SOX5: variants seen among roughly 807,000 people sequenced by gnomAD.
The protein encoded by SOX5 is transcription factor SOX-5.
Under a neutral mutation model 92.0 loss-of-function variants are expected in SOX5, and 9 were observed. That is an observed-to-expected ratio of 0.10 (90% CI 0.06 to 0.17). The LOEUF is 0.17. Ranked by LOEUF, SOX5 falls within the 10% of genes least tolerant of loss-of-function variation. The probability of loss-of-function intolerance (pLI) is 1.00; values close to 1 mark genes in which losing one functional copy is unlikely to be tolerated. For missense variants in SOX5, 642 were observed against 944.5 expected, an observed-to-expected ratio of 0.68 and a Z score of 4.20; for synonymous variants, 344 against 336.3, an observed-to-expected ratio of 1.02 and a Z score of -0.25.
intron 4 of SOX5, among the ~76,000 whole-genome samples, chr12:24,195,584 C>T (rs1043372931): frequency 1.3e-5 from 2 of 152,124 alleles, no homozygotes; most frequent in African/African-American, 4.8e-5. Context: ...ATCTGCCTAA[C>T]TAGAATTTTA....
intron 3 of SOX5, among the ~76,000 whole-genome samples, chr12:24,273,583 G>C (rs980607128): frequency 2.0e-5 from 3 of 152,010 alleles, no homozygotes; most frequent in African/African-American, 4.8e-5. Context: ...TTGCATTTTA[G>C]CTCAGTCTCA....
At chr12:23,614,571 G>T (rs2076332064) in intron 8 of SOX5, among the ~76,000 whole-genome samples, 1 of 152,206 alleles carries the variant, frequency 6.6e-6, no homozygotes, top group Non-Finnish European at 1.5e-5. Flanking sequence ...CTAGCTGATG[G>T]ATAGTTGGAT....
chr12:23,669,050 T>TTTAC (rs1236620266), intron 6 of SOX5, among the ~76,000 whole-genome samples: 1 of 151,702 alleles, frequency 6.6e-6, no homozygotes, highest in East Asian at 1.9e-4. Context: ...CATGTCCCTA[T>TTTAC]TTATTCAATC....
At chr12:24,182,463 A>G (rs1594023243) in intron 4 of SOX5, among the ~76,000 whole-genome samples, 1 of 152,318 alleles carries the variant, frequency 6.6e-6, no homozygotes, top group Non-Finnish European at 1.5e-5. Context: ...AACAGCTCCA[A>G]TATATTATAG....
intron 4 of SOX5, among the ~76,000 whole-genome samples, chr12:24,181,085 G>C (rs1437281066): frequency 6.6e-6 from 1 of 152,180 alleles, no homozygotes; most frequent in East Asian, 1.9e-4. Flanking sequence ...TAAAGAGCAA[G>C]ATATTCCATG....
At chr12:23,656,175 T>C (rs1034338810) in intron 7 of SOX5, among the ~76,000 whole-genome samples, 1 of 134,568 alleles carries the variant, frequency 7.4e-6, no homozygotes, top group Non-Finnish European at 1.5e-5. Flanking sequence ...TTCTGACCCC[T>C]TGTTTCATTG....
intron 4 of SOX5, among the ~76,000 whole-genome samples, chr12:24,087,623 G>T (rs749428125): frequency 1.3e-5 from 2 of 152,118 alleles, no homozygotes; most frequent in African/African-American, 2.4e-5. Context: ...AAAAGGAATT[G>T]TGAACGTGGT....
Position 24,545,319 on chromosome 12 carries a change from C to T in SOX5, c.-251+17010G>A, listed in dbSNP as rs576458679. Among the ~76,000 whole-genome samples, 201 of 152,264 alleles carry T rather than the reference C, an allele frequency of 1.3e-3. 2 individuals carry two copies. Among genetic ancestry groups the T allele is most frequent in the African/African-American group, 4.6e-3 (192 of 41,542 alleles). On this transcript the variant is annotated intron_variant, in intron 1 of 4. Transcript: ENST00000446891. ...GTTAATCCAATTACTAATAAACTGA[C>T]ATGGGGGCCCTCATTTTCACAACAG...
intron 1 of SOX5, among the ~76,000 whole-genome samples, chr12:24,381,197 A>G (rs1957789545): frequency 6.6e-6 from 1 of 152,254 alleles, no homozygotes; most frequent in South Asian, 2.1e-4. Flanking sequence ...TCATTGACCA[A>G]CGAAAAACCA....
At chr12:23,642,233 G>T (rs562621418) in intron 7 of SOX5, among the ~76,000 whole-genome samples, 1 of 152,078 alleles carries the variant, frequency 6.6e-6, no homozygotes, top group Non-Finnish European at 1.5e-5. Flanking sequence ...AGTCTCCCAG[G>T]TTATTTTTTA....
At chr12:24,436,489 C>G (rs1188166450) in intron 1 of SOX5, among the ~76,000 whole-genome samples, 1 of 152,214 alleles carries the variant, frequency 6.6e-6, no homozygotes, top group Non-Finnish European at 1.5e-5. Flanking sequence ...CTCTTCAATT[C>G]TTATGAAGGC....
At chr12:24,157,880 C>T (rs923349181) in intron 4 of SOX5, among the ~76,000 whole-genome samples, 3 of 152,048 alleles carry the variant, frequency 2.0e-5, no homozygotes, top group African/African-American at 7.2e-5. Flanking sequence ...GCCTCTCCTT[C>T]TTTTACACTT....
At chr12:23,760,103 C>G (rs2141312093) in intron 3 of SOX5, among the ~76,000 whole-genome samples, 1 of 152,136 alleles carries the variant, frequency 6.6e-6, no homozygotes, top group Non-Finnish European at 1.5e-5. Context: ...TCATGATTAC[C>G]TTCAAAGTAA....
intron 1 of SOX5, among the ~76,000 whole-genome samples, chr12:24,492,152 G>T (rs11047477): frequency 6.6e-6 from 1 of 152,050 alleles, no homozygotes; most frequent in South Asian, 2.1e-4. Flanking sequence ...CTTCATATTC[G>T]CCTGTTAGCT....
chr12:24,240,104 A>G (rs1392463649), intron 3 of SOX5, among the ~76,000 whole-genome samples: 1 of 152,224 alleles, frequency 6.6e-6, no homozygotes, highest in East Asian at 1.9e-4. Context: ...CTTTTAAAAA[A>G]TAAAAACTAC....
At chr12:24,484,779 A>G (rs1256947837) in intron 1 of SOX5, among the ~76,000 whole-genome samples, 1 of 152,218 alleles carries the variant, frequency 6.6e-6, no homozygotes, top group Non-Finnish European at 1.5e-5. Flanking sequence ...CCATCAAATT[A>G]TGATAGCGTT....
intron 4 of SOX5, among the ~76,000 whole-genome samples, chr12:24,009,674 T>G (rs1397654660): frequency 1.3e-5 from 2 of 152,184 alleles, no homozygotes; most frequent in African/African-American, 4.8e-5. Context: ...CATTATTTTA[T>G]GAAAGCCAAA....
At chr12:24,058,380 C>T (rs1355375898) in intron 4 of SOX5, among the ~76,000 whole-genome samples, 1 of 152,192 alleles carries the variant, frequency 6.6e-6, no homozygotes, top group African/African-American at 2.4e-5. Flanking sequence ...TTTTCTGAAA[C>T]CCTGGACACA....
intron 4 of SOX5, among the ~76,000 whole-genome samples, chr12:24,103,904 A>G (rs185985927): frequency 6.6e-6 from 1 of 152,300 alleles, no homozygotes; most frequent in African/African-American, 2.4e-5. Context: ...CCTAGCCAGC[A>G]TATGTGAAGA....
Sources: gnomAD v4.1 joint callset for allele counts (sites outside exome capture counted in the v4.1 genomes callset) on GRCh38, gnomAD v4.1.1 for gene constraint, MANE v1.5 for transcripts, NCBI Gene and HGNC (gene_info 2026-07-23, HGNC 2026-07-21) for gene names.